Variants in CEP192 observed in about 807,000 individuals in gnomAD.
The protein encoded by CEP192 is centrosomal protein of 192 kDa.
CEP192 carries 151 observed loss-of-function variants against 271.8 expected under a neutral mutation model. The ratio of observed to expected loss-of-function variants is 0.56; its 90% CI spans 0.49 to 0.64. CEP192 has a LOEUF of 0.64. CEP192 is among the 30% of genes least tolerant of loss of function. The probability of loss-of-function intolerance (pLI) is 0.00; values close to 1 mark genes in which losing one functional copy is unlikely to be tolerated. For missense variants in CEP192, 2,910 were observed against 3,020.5 expected, an observed-to-expected ratio of 0.96 and a Z score of 0.86; for synonymous variants, 995 against 1,076.5, an observed-to-expected ratio of 0.92 and a Z score of 1.48.
chr18:13,087,751 T>C, intron 32 of CEP192, 105 bp downstream of exon 32: 1 of 470,538 alleles, frequency 2.1e-6, no homozygotes, highest in Non-Finnish European at 3.7e-6. Flanking sequence ...TATTTATTAG[T>C]GAACTGGTAG....
chr18:13,059,512 C>T (rs1163331360), intron 21 of CEP192, among the ~76,000 whole-genome samples, 200 bp downstream of exon 21: 1 of 152,110 alleles, frequency 6.6e-6, no homozygotes, highest in Non-Finnish European at 1.5e-5. Context: ...AGTATACTTG[C>T]TTAGATATCT....
Position 13,114,357 on chromosome 18 carries a change from C to CA in CEP192, c.7289+107dup, listed in dbSNP as rs149061500. On this transcript the variant is annotated intron_variant, in intron 42 of 44. Transcript: ENST00000506447. ...TACCTGAGTTCACATGTGTTACCAG[C>CA]ACTCCAACCAAGATACAGAATATTC... 4,013 of 1,160,012 alleles carry CA rather than the reference C, an allele frequency of 3.5e-3. 27 individuals carry two copies. Among genetic ancestry groups the CA allele is most frequent in the Middle Eastern group, 0.021 (104 of 4,856 alleles). The allele number at this position is 1,160,012 out of a possible 1,614,324, so 71.9% of individuals were successfully genotyped here.
intron 30 of CEP192, 29 bp from the exon 31 acceptor site, chr18:13,086,988 A>C: frequency 6.6e-7 from 1 of 1,514,922 alleles, no homozygotes; most frequent in Non-Finnish European, 9.0e-7. Context: ...TAACATTAAA[A>C]TAATTTTGGA....
chr18:13,095,706 C>G, intron 35 of CEP192, 25 bp downstream of exon 35: 1 of 1,603,040 alleles, frequency 6.2e-7, no homozygotes, highest in South Asian at 1.1e-5. Flanking sequence ...TGTGACACCT[C>G]AGAGGTGTGT....
chr18:13,082,785 CTTCCTT>C (rs2038691805), intron 30 of CEP192, among the ~76,000 whole-genome samples: 1 of 152,088 alleles, frequency 6.6e-6, no homozygotes, highest in African/African-American at 2.4e-5. Context: ...ATGTTTAGTG[CTTCCTT>C]CAGGAGCTCT....
In CEP192 at chr18:13,095,537, G is replaced by T. The variant is rs762990329; in HGVS notation, c.6289G>T (p.Val2097Phe). 6.2e-7 allele frequency: 1 copy of T among 1,612,936 alleles called. No individual in the cohort carries two copies. ...LGASGKHGGN[V>F]SLDVLPVKGP... ...AGCTTCTGGGAAACATGGTGGCAAC[G>T]TCTCTTTGGATGTTTTACCAGTCAA... The change falls in exon 35 of 45, where the codon GTC (valine) becomes TTC (phenylalanine). Residue 2097 changes from valine (V) to phenylalanine (F), a missense_variant. By Grantham distance (50) the Val-to-Phe change is conservative (BLOSUM62 -1). Coordinates refer to ENST00000506447, the MANE Select transcript of CEP192 (RefSeq NM_032142.4).
rs371903526 is a variant in CEP192, at chr18:13,084,591, A to G, written c.5617-2426A>G. On this transcript the variant is annotated intron_variant, in intron 30 of 44. Transcript: ENST00000506447. Reference sequence around the variant, plus strand: ...CCCCTTGTGCTTCCCGGGTGAGGCAATGCCCCGCCCTGCTTCAGCTCACCC... The same window carrying G: ...CCCCTTGTGCTTCCCGGGTGAGGCAGTGCCCCGCCCTGCTTCAGCTCACCC... Among the ~76,000 whole-genome samples, 28 of 152,212 alleles carry G rather than the reference A, an allele frequency of 1.8e-4. No homozygotes were observed. In the East Asian group the frequency reaches 2.5e-3, roughly 14 times the overall value.
chr18:13,003,857 G>A (rs1568264360), intron 3 of CEP192, among the ~76,000 whole-genome samples: 1 of 152,114 alleles, frequency 6.6e-6, no homozygotes, highest in Non-Finnish European at 1.5e-5. Flanking sequence ...GCGAGAGTGG[G>A]AGCAGCATGG....
chr18:13,045,956 A>T (rs958912224), intron 15 of CEP192, among the ~76,000 whole-genome samples: 6 of 152,162 alleles, frequency 3.9e-5, no homozygotes, highest in Non-Finnish European at 7.3e-5. Flanking sequence ...TTATAGGGAC[A>T]TACTGTTGGA....
At chr18:13,109,974 C>T (rs2040135056) in intron 40 of CEP192, among the ~76,000 whole-genome samples, 1 of 152,142 alleles carries the variant, frequency 6.6e-6, no homozygotes, top group Admixed American at 6.5e-5. Context: ...ATGCCTCTTT[C>T]ATGAACCCCT....
intron 11 of CEP192, 64 bp from the exon 12 acceptor site, chr18:13,037,173 A>G: frequency 1.4e-6 from 1 of 713,608 alleles, no homozygotes. Flanking sequence ...CCTAACTTGT[A>G]TCTGTGTGCT....
intron 11 of CEP192, 87 bp downstream of exon 11, chr18:13,030,695 C>A: frequency 9.7e-7 from 1 of 1,031,414 alleles, no homozygotes; most frequent in Non-Finnish European, 1.4e-6. Context: ...TCAGCCACAT[C>A]AGATCCCTTC....
intron 21 of CEP192, among the ~76,000 whole-genome samples, chr18:13,059,592 C>T (rs2037299336): frequency 6.6e-6 from 1 of 152,136 alleles, no homozygotes; most frequent in Admixed American, 6.5e-5. Context: ...GTGCACTTAG[C>T]AACATGCCAG....
intron 11 of CEP192, among the ~76,000 whole-genome samples, chr18:13,036,928 C>T (rs979913352): frequency 2.0e-5 from 3 of 152,212 alleles, no homozygotes; most frequent in African/African-American, 7.2e-5. Flanking sequence ...TGGATGAGTG[C>T]CTCAATGCAA....
At chr18:13,008,663 C>T (rs1207600051) in intron 4 of CEP192, 32 bp downstream of exon 4, 3 of 1,404,766 alleles carry the variant, frequency 2.1e-6, no homozygotes, top group South Asian at 1.4e-5. Context: ...TTTCTTAATG[C>T]ATATGTTTTA....
chr18:13,091,400 T>A (rs1294373898), intron 33 of CEP192, among the ~76,000 whole-genome samples: 2 of 152,202 alleles, frequency 1.3e-5, no homozygotes, highest in Admixed American at 6.5e-5. Flanking sequence ...CTTGTGATTA[T>A]AAGTTTATTG....
chr18:13,095,727 G>C (rs370821194), intron 35 of CEP192, 46 bp downstream of exon 35: 5 of 1,533,720 alleles, frequency 3.3e-6, no homozygotes, highest in Non-Finnish European at 4.5e-6. Context: ...TCCGGCGTCC[G>C]GGCCTGCACT....
chr18:13,041,705 C>T (rs117081640), intron 14 of CEP192, among the ~76,000 whole-genome samples: 146 of 151,972 alleles, frequency 9.6e-4, no homozygotes, highest in Non-Finnish European at 1.8e-3. Context: ...GCTGGAATCA[C>T]GGGCTCACGC....
chr18:13,023,451 A>G (rs1381075563), intron 9 of CEP192, among the ~76,000 whole-genome samples: 1 of 148,518 alleles, frequency 6.7e-6, no homozygotes, highest in African/African-American at 2.5e-5. Context: ...AATTTTTATC[A>G]TGAATGGGTG....
Sources: gnomAD v4.1 joint callset for allele counts (sites outside exome capture counted in the v4.1 genomes callset) on GRCh38, gnomAD v4.1.1 for gene constraint, MANE v1.5 for transcripts, NCBI Gene and HGNC (gene_info 2026-07-23, HGNC 2026-07-21) for gene names.